The following ZSWIM6 variants were observed in gnomAD, a reference collection of about 807,000 sequenced individuals.
ZSWIM6 encodes the protein zinc finger SWIM domain-containing protein 6.
Under a neutral mutation model 113.2 loss-of-function variants are expected in ZSWIM6, and 9 were observed. The observed-to-expected ratio is 0.08, with a 90% CI of 0.05 to 0.14. The LOEUF is 0.14. Ranked by LOEUF, ZSWIM6 falls within the 10% of genes least tolerant of loss-of-function variation. The pLI, the probability that ZSWIM6 is intolerant of heterozygous loss-of-function variation, is 1.00. For synonymous variants in ZSWIM6, 611 were observed against 606.5 expected, an observed-to-expected ratio of 1.01 and a Z score of -0.11; for missense variants, 1,162 against 1,552.2, an observed-to-expected ratio of 0.75 and a Z score of 4.22.
intron 10 of ZSWIM6, among the ~76,000 whole-genome samples, chr5:61,536,154 C>T (rs1233819351): frequency 6.6e-6 from 1 of 152,236 alleles, no homozygotes; most frequent in African/African-American, 2.4e-5. Context: ...CGGGGTCCTT[C>T]AGGCTCTGCC....
At chr5:61,486,427 A>G (rs1480128940) in intron 2 of ZSWIM6, among the ~76,000 whole-genome samples, 1 of 152,076 alleles carries the variant, frequency 6.6e-6, no homozygotes, top group East Asian at 1.9e-4. Flanking sequence ...TGTCTTTCAT[A>G]TAATGTTTTC....
chr5:61,489,837 C>G (rs774580215), intron 2 of ZSWIM6, among the ~76,000 whole-genome samples: 2 of 152,002 alleles, frequency 1.3e-5, no homozygotes, highest in Admixed American at 6.6e-5. Flanking sequence ...CCACTGCCTT[C>G]CTCTACTAGG....
chr5:61,491,643 A>G (rs1453422493), intron 3 of ZSWIM6, among the ~76,000 whole-genome samples: 1 of 152,082 alleles, frequency 6.6e-6, no homozygotes, highest in Non-Finnish European at 1.5e-5. Flanking sequence ...CCATACACAC[A>G]TTTGTAAATA....
chr5:61,354,334 A>G (rs1398991260), intron 1 of ZSWIM6, among the ~76,000 whole-genome samples: 1 of 152,228 alleles, frequency 6.6e-6, no homozygotes, highest in Non-Finnish European at 1.5e-5. Context: ...TGTTTTGGTT[A>G]TCTGATTTAT....
At chr5:61,494,561 A>T (rs1748270466) in intron 4 of ZSWIM6, among the ~76,000 whole-genome samples, 151 bp downstream of exon 4, 1 of 152,074 alleles carries the variant, frequency 6.6e-6, no homozygotes, top group African/African-American at 2.4e-5. Context: ...GCATAGGAGG[A>T]TTTAGAACTT....
At position 61,485,765 on chromosome 5, in the gene ZSWIM6, C is replaced by T. The variant is rs143014459; in HGVS notation, c.1034-5021C>T. On this transcript the variant is annotated intron_variant, in intron 2 of 13. Transcript: ENST00000252744. ...TATTTTCGCCCCTCAATTCATCCTC[C>T]GTATTTCAGATAAAGTGATTTTTTT... is the stretch of plus-strand genomic sequence containing the variant. 1.1e-4 allele frequency among the ~76,000 whole-genome samples: 17 copies of T among 152,158 alleles called. 1 individual carries two copies. Among genetic ancestry groups the T allele is most frequent in the African/African-American group, 3.4e-4 (14 of 41,536 alleles).
chr5:61,349,636 C>G (rs1744740964), intron 1 of ZSWIM6, among the ~76,000 whole-genome samples: 1 of 151,540 alleles, frequency 6.6e-6, no homozygotes, highest in Non-Finnish European at 1.5e-5. Context: ...TTTCTTTAAG[C>G]TTGTTAACTT....
In ZSWIM6 at chr5:61,526,328, T is replaced by G; in HGVS notation, c.1769T>G (p.Ile590Arg). The G allele has an allele frequency of 6.4e-7, 1 of 1,552,154 alleles. No homozygotes were observed. Among genetic ancestry groups the G allele is most frequent in the Non-Finnish European group, 8.7e-7 (1 of 1,147,066 alleles). ...GYPREALRLA[I>R]AIVNTLRRQQ... ...CCCAGAGAAGCACTGAGACTAGCAA[T>G]AGCTATTGTTAATACATTAAGACGA... The change falls in exon 7 of 14, where the codon ATA (isoleucine) becomes AGA (arginine). Residue 590 changes from isoleucine to arginine, a missense_variant. Physicochemically the swap from Ile to Arg is moderately conservative, Grantham distance 97. Around this residue, in one of 4 missense-constraint regions of ZSWIM6, gnomAD observed 620 missense variants for 804.6 expected, o/e 0.77. Coordinates refer to ENST00000252744, the MANE Select transcript of ZSWIM6 (RefSeq NM_020928.2).
intron 4 of ZSWIM6, among the ~76,000 whole-genome samples, chr5:61,499,040 T>C (rs1748392473): frequency 6.6e-6 from 1 of 152,104 alleles, no homozygotes; most frequent in Non-Finnish European, 1.5e-5. Flanking sequence ...GGTGGTTAAT[T>C]AATGGCTAAG....
intron 3 of ZSWIM6, 56 bp from the exon 4 acceptor site, chr5:61,494,204 G>C (rs1272271751): frequency 6.5e-7 from 1 of 1,529,064 alleles, no homozygotes; most frequent in Non-Finnish European, 8.8e-7. Context: ...TTGCTGTGGG[G>C]TTTTGTTGTG....
intron 1 of ZSWIM6, among the ~76,000 whole-genome samples, chr5:61,437,717 C>CAAAAAAAAAAAAA (rs1177075747): frequency 1.8e-5 from 1 of 56,870 alleles, no homozygotes; most frequent in Non-Finnish European, 3.5e-5. Flanking sequence ...ACCCTTTCTC[C>CAAAAAAAAAAAAA]AAAAAAAAAA....
At chr5:61,389,634 G>A (rs564858775) in intron 1 of ZSWIM6, among the ~76,000 whole-genome samples, 4 of 151,038 alleles carry the variant, frequency 2.6e-5, no homozygotes, top group African/African-American at 9.7e-5. Context: ...AGTGATTCAA[G>A]GTCTAAATGC....
chr5:61,369,633 T>G (rs1745223712), intron 1 of ZSWIM6, among the ~76,000 whole-genome samples: 1 of 152,174 alleles, frequency 6.6e-6, no homozygotes, highest in African/African-American at 2.4e-5. Flanking sequence ...TATTTATGTC[T>G]GCTTACTTGA....
chr5:61,475,671 A>G (rs1194462290), intron 2 of ZSWIM6, among the ~76,000 whole-genome samples: 2 of 152,164 alleles, frequency 1.3e-5, no homozygotes, highest in Non-Finnish European at 2.9e-5. Context: ...CTTCCATTCT[A>G]GTTTGACAAG....
intron 1 of ZSWIM6, among the ~76,000 whole-genome samples, chr5:61,359,041 C>T (rs554385770): frequency 5.9e-5 from 9 of 152,172 alleles, no homozygotes; most frequent in South Asian, 2.1e-4. Flanking sequence ...TCATTAAGAG[C>T]GCAATACATA....
chr5:61,485,490 C>T (rs1747993707), intron 2 of ZSWIM6, among the ~76,000 whole-genome samples: 1 of 152,154 alleles, frequency 6.6e-6, no homozygotes, highest in Non-Finnish European at 1.5e-5. Context: ...ACTGCCCCTC[C>T]CGATTTCCAA....
chr5:61,488,341 C>T (rs1041594282), intron 2 of ZSWIM6, among the ~76,000 whole-genome samples: 4 of 151,872 alleles, frequency 2.6e-5, no homozygotes, highest in Non-Finnish European at 5.9e-5. Flanking sequence ...GTGTCCTTGT[C>T]TAGTTTTGGT....
At position 61,332,491 on chromosome 5, in the gene ZSWIM6, C is replaced by T. The variant is rs1460862071; in HGVS notation, c.219C>T (p.Ser73=). Residue 73 remains serine, a synonymous_variant, in exon 1 of 14, where the codon AGC becomes AGT. Coordinates refer to ENST00000252744, the MANE Select transcript of ZSWIM6 (RefSeq NM_020928.2). ...LGLLPPGKTQ[S]PESLLDIAAR... is the part of the protein sequence containing the mutation. ...TGCTGCCGCCGGGCAAGACCCAGAG[C>T]CCCGAGTCGCTGCTGGACATCGCGG... 1.6e-6 allele frequency: 2 copies of T among 1,256,774 alleles called. No homozygotes were observed. The highest frequency in any genetic ancestry group is 2.1e-6 in the Non-Finnish European group (2 of 970,848). The allele number at this position is 1,256,774 out of a possible 1,614,324, so 77.9% of individuals were successfully genotyped here.
intron 1 of ZSWIM6, among the ~76,000 whole-genome samples, chr5:61,344,087 G>A (rs1744603880): frequency 6.6e-6 from 1 of 152,178 alleles, no homozygotes; most frequent in Admixed American, 6.5e-5. Context: ...TAGAGACGGG[G>A]TTTCACCATG....
Sources: gnomAD v4.1 joint callset for allele counts (sites outside exome capture counted in the v4.1 genomes callset) on GRCh38, gnomAD v4.1.1 for gene constraint, gnomAD v4.1.1 regional missense constraint, MANE v1.5 for transcripts, NCBI Gene and HGNC (gene_info 2026-07-23, HGNC 2026-07-21) for gene names.